The following TMX4 variants were observed in gnomAD, a reference collection of about 807,000 sequenced individuals.
TMX4 encodes thioredoxin related transmembrane protein 4.
In TMX4, 23 loss-of-function variants were observed where a neutral mutation model predicts 33.3. That is an observed-to-expected ratio of 0.69 (90% CI 0.50 to 0.98). The LOEUF (loss-of-function observed/expected upper bound fraction) is 0.98. Among genes scored for constraint, TMX4 ranks in the 50% least tolerant of loss-of-function variants. TMX4 has a pLI of 0.00. For missense variants in TMX4, 399 were observed against 448.9 expected, an observed-to-expected ratio of 0.89 and a Z score of 1.01; for synonymous variants, 164 against 161.5, an observed-to-expected ratio of 1.02 and a Z score of -0.12.
chr20:7,991,049 C>A (rs889945718), intron 5 of TMX4, among the ~76,000 whole-genome samples: 3 of 152,288 alleles, frequency 2.0e-5, no homozygotes, highest in Admixed American at 6.5e-5. Context: ...TTTTAAAATA[C>A]ACTTTGTTCT....
chr20:7,995,926 A>G (rs766590589), intron 5 of TMX4, 100 bp downstream of exon 5: 44 of 1,032,736 alleles, frequency 4.3e-5, no homozygotes, highest in Non-Finnish European at 6.3e-5. Flanking sequence ...AAGTGAAATT[A>G]TAAATGTACT....
At chr20:7,996,473 G>A (rs182759982) in intron 4 of TMX4, among the ~76,000 whole-genome samples, 5 of 152,044 alleles carry the variant, frequency 3.3e-5, no homozygotes, top group East Asian at 3.9e-4. Context: ...TCTTCAAAAC[G>A]TACACATCTT....
chr20:7,988,694 G>A (rs116695620), intron 5 of TMX4, among the ~76,000 whole-genome samples: 1,950 of 152,294 alleles, frequency 0.013, 49 homozygotes, highest in African/African-American at 0.045. Flanking sequence ...TGATGGCACT[G>A]GTCATCAGTG....
intron 2 of TMX4, among the ~76,000 whole-genome samples, chr20:8,008,694 G>C (rs888354612): frequency 6.6e-6 from 1 of 152,148 alleles, no homozygotes; most frequent in Non-Finnish European, 1.5e-5. Flanking sequence ...ATGGTGCCCA[G>C]TAATTAACAA....
At chr20:7,999,562 T>C (rs1430127347) in intron 4 of TMX4, among the ~76,000 whole-genome samples, 170 bp downstream of exon 4, 2 of 152,148 alleles carry the variant, frequency 1.3e-5, no homozygotes, top group Admixed American at 6.5e-5. Context: ...AGCTGAAACA[T>C]ATGTAGGTCA....
intron 1 of TMX4, among the ~76,000 whole-genome samples, chr20:8,018,267 G>A (rs1241268701): frequency 7.2e-6 from 1 of 139,368 alleles, no homozygotes; most frequent in African/African-American, 2.7e-5. Flanking sequence ...TTTGGGGGGT[G>A]GGGGCGGGAG....
At position 7,982,486 on chromosome 20, in the gene TMX4, T is replaced by G; in HGVS notation, c.815A>C (p.Asp272Ala). The G allele has an allele frequency of 6.2e-7, 1 of 1,613,996 alleles. No individual in the cohort carries two copies. Among genetic ancestry groups the G allele is most frequent in the Non-Finnish European group, 8.5e-7 (1 of 1,179,938 alleles). The part of the protein sequence containing the change: ...DDEEEKEDLG[D>A]EDEAEEEEEE... The stretch of plus-strand genomic sequence containing the variant: ...CTCTTCTTCCTCTGCTTCATCCTCA[T>G]CGCCAAGATCTTCTTTCTCTTCTTC... Residue 272 changes from aspartate to alanine, a missense_variant, in exon 8 of 8, where the codon GAT becomes GCT. Asp to Ala is a moderately radical substitution (Grantham distance 126). Transcript: ENST00000246024.
chr20:8,006,862 G>A (rs2050733095), intron 2 of TMX4, among the ~76,000 whole-genome samples: 2 of 151,280 alleles, frequency 1.3e-5, no homozygotes, highest in South Asian at 2.1e-4. Flanking sequence ...GGGTTCAAGC[G>A]ATTCTCCATT....
In TMX4 at chr20:8,019,567, G is replaced by C. The variant is rs2050803196; in HGVS notation, c.47C>G (p.Ala16Gly). 4 of 1,409,716 alleles carry C rather than the reference G, an allele frequency of 2.8e-6. No individual in the cohort carries two copies. The South Asian group carries it at 4.7e-5, about 17-fold the overall frequency. The allele number at this position is 1,409,716 out of a possible 1,614,324, so 87.3% of individuals were successfully genotyped here. A position where few individuals can be genotyped will look rare whatever the true frequency, so the allele number is the denominator to read the frequency against. Residue 16 changes from alanine to glycine, a missense_variant, in exon 1 of 8, where the codon GCC becomes GGC. Coordinates refer to ENST00000246024, the MANE Select transcript of TMX4 (RefSeq NM_021156.4). ...CGTCGCCGCCACAGCCGCGATCCAG[G>C]CGGCCAGGAGCGCCGTTAGCTGCGG... Reference protein sequence around the residue: ...CGPQLTALLAAWIAAVAATAG... With the variant: ...CGPQLTALLAGWIAAVAATAG...
rs1438276658 is a variant in TMX4 at position 7,981,340 on chromosome 20, G to GC, written c.*910dup. ...TTCTTCACAAGACTACCTTGTACTG[G>GC]CAAGACTTAGAGGACTTCTGGCTTG... On this transcript the variant is annotated 3_prime_UTR_variant, in exon 8 of 8. Coordinates refer to ENST00000246024, the MANE Select transcript of TMX4 (RefSeq NM_021156.4). 1 of 152,076 alleles carries GC rather than the reference G, an allele frequency of 6.6e-6. No individual in the cohort carries two copies. Among genetic ancestry groups the GC allele is most frequent in the African/African-American group, 2.4e-5 (1 of 41,400 alleles). The allele number at this position is 152,076 out of a possible 1,614,324, so 9.4% of individuals were successfully genotyped here. A position where few individuals can be genotyped will look rare whatever the true frequency, so the allele number is the denominator to read the frequency against.
chr20:8,011,177 A>G (rs1209922896), intron 1 of TMX4, among the ~76,000 whole-genome samples: 1 of 152,054 alleles, frequency 6.6e-6, no homozygotes, highest in Non-Finnish European at 1.5e-5. Context: ...ATTCCCTCCA[A>G]TTTATTTTTC....
At chr20:7,990,831 G>A (rs972689628) in intron 5 of TMX4, among the ~76,000 whole-genome samples, 5 of 152,294 alleles carry the variant, frequency 3.3e-5, no homozygotes, top group African/African-American at 1.2e-4. Flanking sequence ...CTTCAATGAT[G>A]GCCAAGGGTT....
chr20:7,978,264 T>G lies in TMX4; in HGVS notation c.*3987A>C, dbSNP rs1331165445. 3 of 152,166 alleles carry G rather than the reference T, an allele frequency of 2.0e-5. No homozygotes were observed. Among genetic ancestry groups the G allele is most frequent in the Admixed American group, 6.5e-5 (1 of 15,272 alleles). 9.4% of individuals were successfully genotyped at this position (152,166 alleles called of 1,614,324 possible). ...CCCTCTTCTTTCTCTCACTTCATACTAAAGATTTTATGCTGAAATCTCAGG... is the reference window on the plus strand; with the variant it reads ...CCCTCTTCTTTCTCTCACTTCATACGAAAGATTTTATGCTGAAATCTCAGG... On this transcript the variant is annotated 3_prime_UTR_variant, in exon 8 of 8. Coordinates refer to ENST00000246024, the MANE Select transcript of TMX4 (RefSeq NM_021156.4).
Position 7,981,052 on chromosome 20 carries a change from G to A in TMX4, c.*1199C>T, listed in dbSNP as rs2050603419. On this transcript the variant is annotated 3_prime_UTR_variant, in exon 8 of 8. Transcript: ENST00000246024. ...CAGGTAAGAGAGAAGTAGATGGATAGATTTTTTTTTTTTAAGGAAATTAGC... is the reference window on the plus strand; with the variant it reads ...CAGGTAAGAGAGAAGTAGATGGATAAATTTTTTTTTTTTAAGGAAATTAGC... The A allele has an allele frequency of 7.0e-6, 1 of 142,518 alleles. No individual in the cohort carries two copies. 8.8% of individuals were successfully genotyped at this position (142,518 alleles called of 1,614,324 possible). A position where few individuals can be genotyped will look rare whatever the true frequency, so the allele number is the denominator to read the frequency against.
At chr20:8,007,522 T>G (rs1219664579) in intron 2 of TMX4, among the ~76,000 whole-genome samples, 1 of 152,200 alleles carries the variant, frequency 6.6e-6, no homozygotes, top group Non-Finnish European at 1.5e-5. Context: ...TGCTCCAATC[T>G]TCCAGTAGCT....
chr20:8,019,381 TGGGA>T, intron 1 of TMX4, 53 bp downstream of exon 1: 1 of 1,492,282 alleles, frequency 6.7e-7, no homozygotes, highest in Non-Finnish European at 8.9e-7. Flanking sequence ...CGCGCGGGCT[TGGGA>T]GGGTGACGCC....
rs2122894027 is a variant in TMX4 at position 8,019,619 on chromosome 20, G to A, written c.-6C>T. 1.5e-6 allele frequency: 2 copies of A among 1,339,408 alleles called. No homozygotes were observed. Among genetic ancestry groups the A allele is most frequent in the Non-Finnish European group, 1.9e-6 (2 of 1,044,680 alleles). 83.0% of individuals were successfully genotyped at this position (1,339,408 alleles called of 1,614,324 possible). A position where few individuals can be genotyped will look rare whatever the true frequency, so the allele number is the denominator to read the frequency against. On this transcript the variant is annotated 5_prime_UTR_variant, in exon 1 of 8. Coordinates refer to ENST00000246024, the MANE Select transcript of TMX4 (RefSeq NM_021156.4). ...CCGCAGCGCCCACCCGCCATGTTGG[G>A]CGCCGAGCGAGGCTTCTCGGCGGGG...
In TMX4 at chr20:8,001,529, C is replaced by T. The variant is rs776435098; in HGVS notation, c.305G>A (p.Arg102His). Residue 102 changes from arginine to histidine, a missense_variant, in exon 3 of 8, where the codon CGC (arginine) becomes CAC (histidine). Arg to His is a conservative substitution (Grantham distance 29, BLOSUM62 0). Transcript: ENST00000246024. ...TGCTGGGAGAGTGGTGACAAAGAAG[C>T]GGCCACTCAAACCTACAAGAAGCAT... ...DVIQEPGLSG[R>H]FFVTTLPAFF... 7 of 1,600,084 alleles carry T rather than the reference C, an allele frequency of 4.4e-6. No individual in the cohort carries two copies. Among genetic ancestry groups the T allele is most frequent in the Non-Finnish European group, 4.3e-6 (5 of 1,171,604 alleles).
At chr20:7,991,317 TA>T (rs1360111719) in intron 5 of TMX4, among the ~76,000 whole-genome samples, 1 of 152,172 alleles carries the variant, frequency 6.6e-6, no homozygotes, top group Non-Finnish European at 1.5e-5. Flanking sequence ...ACAAATCCAA[TA>T]AAAAATGCTT....
Sources: gnomAD v4.1 joint callset for allele counts (sites outside exome capture counted in the v4.1 genomes callset) on GRCh38, gnomAD v4.1.1 for gene constraint, MANE v1.5 for transcripts, NCBI Gene and HGNC (gene_info 2026-07-23, HGNC 2026-07-21) for gene names.